Variants in FAM117A observed in about 807,000 individuals in gnomAD.
FAM117A encodes the protein family with sequence similarity 117 member A, also known as protein FAM117A.
A neutral mutation model predicts 44.1 loss-of-function variants in FAM117A; 21 were observed. The observed-to-expected ratio is 0.48, with a 90% CI of 0.34 to 0.69. The LOEUF (loss-of-function observed/expected upper bound fraction) is 0.69. Ranked by LOEUF, FAM117A falls within the 30% of genes least tolerant of loss-of-function variation. The pLI is 0.01. For missense variants in FAM117A, 498 were observed against 589.9 expected, an observed-to-expected ratio of 0.84 and a Z score of 1.61; for synonymous variants, 220 against 238.3, an observed-to-expected ratio of 0.92 and a Z score of 0.71.
chr17:49,722,661 G>T, intron 2 of FAM117A, 67 bp from the exon 3 acceptor site: 1 of 1,309,590 alleles, frequency 7.6e-7, no homozygotes, highest in Non-Finnish European at 1.1e-6. Flanking sequence ...CAGGCACACT[G>T]TTTTCTGGGT....
chr17:49,785,285 G>A (rs1313342730), intron 1 of FAM117A, among the ~76,000 whole-genome samples: 1 of 152,236 alleles, frequency 6.6e-6, no homozygotes, highest in Non-Finnish European at 1.5e-5. Flanking sequence ...GCTCAGATGG[G>A]AGGATGGCTT....
chr17:49,755,080 C>G (rs2073693562), intron 1 of FAM117A, among the ~76,000 whole-genome samples: 1 of 151,396 alleles, frequency 6.6e-6, no homozygotes, highest in South Asian at 2.1e-4. Flanking sequence ...ACTAAGCCAC[C>G]AGACACATGG....
At chr17:49,711,844 T>A (rs2073480205) in intron 7 of FAM117A, among the ~76,000 whole-genome samples, 1 of 152,220 alleles carries the variant, frequency 6.6e-6, no homozygotes, top group Non-Finnish European at 1.5e-5. Flanking sequence ...AATCTTTTCA[T>A]TCGAAAGATT....
intron 1 of FAM117A, among the ~76,000 whole-genome samples, chr17:49,739,086 C>CGCCA (rs1244382956): frequency 1.1e-4 from 16 of 152,096 alleles, no homozygotes. Flanking sequence ...CTACAGCCAA[C>CGCCA]GCCACCCAGC....
At chr17:49,778,843 A>C (rs1243616072) in intron 1 of FAM117A, among the ~76,000 whole-genome samples, 1 of 152,244 alleles carries the variant, frequency 6.6e-6, no homozygotes, top group African/African-American at 2.4e-5. Context: ...TAACACACAC[A>C]TAAATGTATA....
At chr17:49,764,504 G>A (rs1209982396), upstream of FAM117A, among the ~76,000 whole-genome samples, 1 of 152,158 alleles carries the variant, frequency 6.6e-6, no homozygotes. Context: ...CGCGGCGCTG[G>A]GTGTAGGTTG....
intron 2 of FAM117A, among the ~76,000 whole-genome samples, chr17:49,728,640 C>T (rs1055840057): frequency 6.6e-6 from 1 of 152,098 alleles, no homozygotes. Flanking sequence ...CACTTCCTCC[C>T]TCCAGAAAAA....
chr17:49,717,797 T>G (rs1175299668), intron 5 of FAM117A, 83 bp from the exon 6 acceptor site: 4 of 1,156,226 alleles, frequency 3.5e-6, no homozygotes, highest in Non-Finnish European at 4.9e-6. Flanking sequence ...GTATTTCCCT[T>G]GCTGCTGTCA....
At chr17:49,779,700 C>T (rs1395684974) in intron 1 of FAM117A, among the ~76,000 whole-genome samples, 2 of 152,202 alleles carry the variant, frequency 1.3e-5, no homozygotes, top group African/African-American at 2.4e-5. Flanking sequence ...GGGTCTTGAC[C>T]TGCTAAGTTT....
At chr17:49,737,852 CT>C (rs2073617478) in intron 1 of FAM117A, among the ~76,000 whole-genome samples, 1 of 152,214 alleles carries the variant, frequency 6.6e-6, no homozygotes, top group Non-Finnish European at 1.5e-5. Context: ...AAATCCAAGC[CT>C]CCTTCCTCCT....
exon 1 of FAM117A, chr17:49,788,548 C>G (rs2073835905): frequency 2.5e-6 from 1 of 396,062 alleles, no homozygotes; most frequent in Admixed American, 4.4e-5. Context: ...ACTTTCTGCC[C>G]AACTTCAAAA....
intron 1 of FAM117A, among the ~76,000 whole-genome samples, chr17:49,781,531 C>T (rs547031198): frequency 6.6e-6 from 1 of 152,298 alleles, no homozygotes; most frequent in South Asian, 2.1e-4. Flanking sequence ...CTCACTGCAG[C>T]ATTATCTGAC....
At chr17:49,774,377 T>TG (rs398031021) in intron 1 of FAM117A, among the ~76,000 whole-genome samples, 3 of 151,294 alleles carry the variant, frequency 2.0e-5, no homozygotes, top group South Asian at 2.1e-4. Context: ...TTTTTTTTTT[T>TG]GAGACGGAGT....
chr17:49,753,804 A>G (rs2073686726), intron 1 of FAM117A, among the ~76,000 whole-genome samples: 1 of 152,098 alleles, frequency 6.6e-6, no homozygotes, highest in African/African-American at 2.4e-5. Flanking sequence ...AAACAAACAA[A>G]CAAAAAACCT....
intron 1 of FAM117A, among the ~76,000 whole-genome samples, chr17:49,754,031 T>C (rs1172529461): frequency 6.6e-6 from 1 of 152,160 alleles, no homozygotes; most frequent in East Asian, 1.9e-4. Flanking sequence ...ACATAGCCCT[T>C]CTCTCCCCAG....
intron 4 of FAM117A, 197 bp downstream of exon 4, chr17:49,720,129 G>A: frequency 1.5e-6 from 1 of 671,118 alleles, no homozygotes; most frequent in Non-Finnish European, 2.5e-6. Context: ...TGGGGATGGG[G>A]GTAGAAGAGA....
chr17:49,722,603 A>G lies in FAM117A; in HGVS notation c.367-9T>C, dbSNP rs752739168. Reference sequence around the variant, plus strand: ...TGCCAGGACAGGGGCGTCTGCAGGGAGAGAAACACAGTGAGACACAGCAGC... The same window carrying G: ...TGCCAGGACAGGGGCGTCTGCAGGGGGAGAAACACAGTGAGACACAGCAGC... On this transcript the variant is annotated splice_polypyrimidine_tract_variant and intron_variant, in intron 2 of 7. Coordinates refer to ENST00000240364, the MANE Select transcript of FAM117A (RefSeq NM_030802.4). 4.3e-6 allele frequency: 7 copies of G among 1,611,596 alleles called. No homozygotes were observed. In the Admixed American group the frequency reaches 1.2e-4, roughly 27 times the overall value.
intron 2 of FAM117A, chr17:49,724,368 T>A (rs1460028487): frequency 2.2e-6 from 1 of 456,268 alleles, no homozygotes; most frequent in Admixed American, 2.3e-5. Context: ...CCCATTTCCC[T>A]TCCTCAGGGA....
At chr17:49,740,729 G>A (rs2073631084) in intron 1 of FAM117A, among the ~76,000 whole-genome samples, 1 of 152,190 alleles carries the variant, frequency 6.6e-6, no homozygotes, top group Admixed American at 6.5e-5. Flanking sequence ...TTTTCAGAAG[G>A]ACCACCAATT....
Sources: allele counts gnomAD v4.1 joint callset (sites outside exome capture counted in the v4.1 genomes callset), GRCh38; gene constraint gnomAD v4.1.1; transcripts MANE v1.5; gene names NCBI Gene and HGNC (gene_info 2026-07-23, HGNC 2026-07-21).